Variants in CYP2B6 observed in about 807,000 individuals in gnomAD.
The protein encoded by CYP2B6 is cytochrome P450 2B6.
CYP2B6 carries 35 observed loss-of-function variants against 43.4 expected under a neutral mutation model. That is an observed-to-expected ratio of 0.81 (90% CI 0.62 to 1.07). The LOEUF is 1.07. Ranked by LOEUF, CYP2B6 falls within the 50% of genes least tolerant of loss-of-function variation. The pLI, the probability that CYP2B6 is intolerant of heterozygous loss-of-function variation, is 0.00. For missense variants in CYP2B6, 624 were observed against 632.8 expected, an observed-to-expected ratio of 0.99 and a Z score of 0.15; for synonymous variants, 239 against 239.2, an observed-to-expected ratio of 1.00 and a Z score of 0.01.
intron 1 of CYP2B6, among the ~76,000 whole-genome samples, chr19:40,999,969 G>A (rs1165322528): frequency 6.6e-6 from 1 of 152,082 alleles, no homozygotes; most frequent in Non-Finnish European, 1.5e-5. Flanking sequence ...ATTGGGATAA[G>A]TTTTGCATAG....
intron 6 of CYP2B6, among the ~76,000 whole-genome samples, chr19:41,011,784 G>A (rs757318775): frequency 2.1e-4 from 32 of 151,942 alleles, no homozygotes; most frequent in Non-Finnish European, 3.1e-4. Flanking sequence ...AAGAGGATCT[G>A]TAATATTCAT....
At chr19:41,010,602 A>G (rs1226315444) in intron 6 of CYP2B6, among the ~76,000 whole-genome samples, 1 of 151,572 alleles carries the variant, frequency 6.6e-6, no homozygotes, top group African/African-American at 2.4e-5. Context: ...TTTAGTAGAG[A>G]TGGGGTTTAA....
At chr19:40,992,813 C>T (rs1968941351) in intron 1 of CYP2B6, among the ~76,000 whole-genome samples, 1 of 152,084 alleles carries the variant, frequency 6.6e-6, no homozygotes, top group South Asian at 2.1e-4. Context: ...AGCCACCGCA[C>T]CCGGCCAAGA....
intron 2 of CYP2B6, 60 bp from the exon 3 acceptor site, chr19:41,004,237 G>C (rs1292398274): frequency 6.2e-7 from 1 of 1,613,236 alleles, no homozygotes; most frequent in Non-Finnish European, 8.5e-7. Context: ...GGAGGAAGAA[G>C]GACTCAGAGC....
At chr19:41,002,221 T>C (rs1025982203) in intron 1 of CYP2B6, among the ~76,000 whole-genome samples, 19 of 152,086 alleles carry the variant, frequency 1.2e-4, no homozygotes, top group Admixed American at 9.8e-4. Context: ...TACCCTGGCT[T>C]GTGGGGCAGT....
At chr19:40,999,885 G>A (rs752053009) in intron 1 of CYP2B6, among the ~76,000 whole-genome samples, 11 of 151,898 alleles carry the variant, frequency 7.2e-5, no homozygotes, top group East Asian at 5.8e-4. Context: ...TTTGGGGGAC[G>A]GTCTCACTAT....
chr19:41,005,902 C>T (rs1432603398), intron 3 of CYP2B6, among the ~76,000 whole-genome samples: 1 of 151,968 alleles, frequency 6.6e-6, no homozygotes, highest in Non-Finnish European at 1.5e-5. Flanking sequence ...GAGAGACAGA[C>T]AGACAAAGCT....
chr19:41,010,153 A>T lies in CYP2B6; in HGVS notation c.964+18A>T, dbSNP rs376762508. On this transcript the variant is annotated intron_variant, in intron 6 of 8. Coordinates refer to ENST00000324071, the MANE Select transcript of CYP2B6 (RefSeq NM_000767.5). ...TGTTGCAGGTGGGCCAGGGACAGCC[A>T]GTCAAGGGGGTCTTCTGACCTCCTT... is the stretch of plus-strand genomic sequence containing the variant. 4 of 1,612,110 alleles carry T rather than the reference A, an allele frequency of 2.5e-6. No individual in the cohort carries two copies. The highest frequency in any genetic ancestry group is 3.4e-6 in the Non-Finnish European group (4 of 1,179,914).
intron 5 of CYP2B6, 148 bp downstream of exon 5, chr19:41,009,543 A>G: frequency 1.2e-6 from 1 of 852,528 alleles, no homozygotes; most frequent in Admixed American, 2.5e-5. Context: ...GGGAGGAGAG[A>G]ACATGAGGAA....
At chr19:40,997,769 G>A (rs1230810050) in intron 1 of CYP2B6, among the ~76,000 whole-genome samples, 1 of 152,046 alleles carries the variant, frequency 6.6e-6, no homozygotes, top group African/African-American at 2.4e-5. Flanking sequence ...GGAGTCTTAT[G>A]ATTAGATAAG....
chr19:40,993,433 G>A (rs1369289849), intron 1 of CYP2B6, among the ~76,000 whole-genome samples: 1 of 152,164 alleles, frequency 6.6e-6, no homozygotes, highest in Non-Finnish European at 1.5e-5. Context: ...AGGTGAAGGA[G>A]AAGCAAGTAC....
chr19:41,010,568 C>A (rs1969268134), intron 6 of CYP2B6, among the ~76,000 whole-genome samples: 1 of 151,978 alleles, frequency 6.6e-6, no homozygotes, highest in Non-Finnish European at 1.5e-5. Context: ...CGCCTGCCAC[C>A]ACACCCGGCT....
Position 41,016,902 on chromosome 19 carries a change from T to C in CYP2B6, c.*75T>C. On this transcript the variant is annotated 3_prime_UTR_variant, in exon 9 of 9. Coordinates refer to ENST00000324071, the MANE Select transcript of CYP2B6 (RefSeq NM_000767.5). Reference sequence around the variant, plus strand: ...CGCCTCTGTAGACAATGGCTCTGACTCCCCGCAACTTCCTGCCTCTGAGAG... The same window carrying C: ...CGCCTCTGTAGACAATGGCTCTGACCCCCCGCAACTTCCTGCCTCTGAGAG... 6.7e-7 allele frequency: 1 copy of C among 1,487,448 alleles called. No homozygotes were observed. The highest frequency in any genetic ancestry group is 2.4e-5 in the East Asian group (1 of 41,204). 92.1% of individuals were successfully genotyped at this position (1,487,448 alleles called of 1,614,324 possible).
chr19:41,008,762 A>G (rs1035839434), intron 4 of CYP2B6, among the ~76,000 whole-genome samples: 13 of 152,208 alleles, frequency 8.5e-5, no homozygotes, highest in African/African-American at 2.9e-4. Context: ...TTCTTCATCA[A>G]AGTAATAGAA....
intron 1 of CYP2B6, among the ~76,000 whole-genome samples, chr19:40,996,378 C>A (rs1449284268): frequency 1.3e-5 from 2 of 152,080 alleles, no homozygotes; most frequent in Admixed American, 1.3e-4. Context: ...CAGGAATGCC[C>A]AGTAAGGAAA....
At position 41,012,886 on chromosome 19, in the gene CYP2B6, C is replaced by T. The variant is rs185532059; in HGVS notation, c.1294+71C>T. The T allele has an allele frequency of 1.3e-4, 201 of 1,520,780 alleles. No individual in the cohort carries two copies. In the African/African-American group the frequency reaches 1.5e-3, roughly 12 times the overall value. 94.2% of individuals were successfully genotyped at this position (1,520,780 alleles called of 1,614,324 possible). ...ACTATCCCCAACTTGAGAAAAACAA[C>T]GAGAGATACTGATTATTTGAGCACT... On this transcript the variant is annotated intron_variant, in intron 8 of 8. Transcript: ENST00000324071.
chr19:41,010,468 C>T (rs564417556), intron 6 of CYP2B6, among the ~76,000 whole-genome samples: 3 of 149,824 alleles, frequency 2.0e-5, no homozygotes, highest in African/African-American at 4.9e-5. Flanking sequence ...GGCTGGAGTG[C>T]AGTGGCATGC....
rs769289294 is a variant in CYP2B6 at position 41,003,906 on chromosome 19, G to A, written c.172-95G>A. ...CTGGGGAGGCGGATGTTGGGGAGGG[G>A]CTAATTACCAATCTGGTATGTAAGT... On this transcript the variant is annotated intron_variant, in intron 1 of 8. Coordinates refer to ENST00000324071, the MANE Select transcript of CYP2B6 (RefSeq NM_000767.5). 16 of 1,518,490 alleles carry A rather than the reference G, an allele frequency of 1.1e-5. No homozygotes were observed. In the South Asian group the frequency reaches 1.7e-4, roughly 17 times the overall value. The allele number at this position is 1,518,490 out of a possible 1,614,324, so 94.1% of individuals were successfully genotyped here. A position where few individuals can be genotyped will look rare whatever the true frequency, so the allele number is the denominator to read the frequency against.
chr19:41,015,824 A>G (rs3786549), intron 8 of CYP2B6, among the ~76,000 whole-genome samples: 29,216 of 134,140 alleles, frequency 0.22, 4,423 homozygotes, highest in East Asian at 0.38. Context: ...AACACAAGGC[A>G]GTAACCAAAC....
Sources: gnomAD v4.1 joint callset for allele counts (sites outside exome capture counted in the v4.1 genomes callset) on GRCh38, gnomAD v4.1.1 for gene constraint, MANE v1.5 for transcripts, NCBI Gene and HGNC (gene_info 2026-07-23, HGNC 2026-07-21) for gene names.